The following COL4A3 variants were observed in gnomAD, a reference collection of about 807,000 sequenced individuals.
COL4A3 encodes collagen alpha-3(IV) chain.
In COL4A3, 135 loss-of-function variants were observed where a neutral mutation model predicts 217.4. The observed-to-expected ratio is 0.62, with a 90% CI of 0.54 to 0.72. The LOEUF (loss-of-function observed/expected upper bound fraction) is 0.72, where lower values mean the gene tolerates loss of function less well. COL4A3 is among the 30% of genes least tolerant of loss of function. COL4A3 has a pLI of 0.00. For synonymous variants in COL4A3, 690 were observed against 736.3 expected (o/e 0.94, Z 1.02); for missense variants, 1,868 against 2,119.9 (o/e 0.88, Z 2.33).
intron 34 of COL4A3, among the ~76,000 whole-genome samples, chr2:227,287,214 A>T (rs1254538672): frequency 1.3e-5 from 2 of 152,148 alleles, no homozygotes; most frequent in Non-Finnish European, 2.9e-5. Flanking sequence ...CGGGTGGATC[A>T]TGAGGTCAAG....
At position 227,294,692 on chromosome 2, in the gene COL4A3, C is replaced by T. The variant is rs1470672622; in HGVS notation, c.3418+122C>T. On this transcript the variant is annotated intron_variant, in intron 39 of 51. Coordinates refer to ENST00000396578, the MANE Select transcript of COL4A3 (RefSeq NM_000091.5). The stretch of plus-strand genomic sequence containing the variant: ...AGCTCCTAGTTACTCAGTATCCAGA[C>T]AAAAATGCAAAAAAAATGGGGTTAG... The T allele has an allele frequency of 3.9e-6, 3 of 777,520 alleles. No individual in the cohort carries two copies. In the South Asian group the frequency reaches 4.7e-5, roughly 12 times the overall value. The allele number at this position is 777,520 out of a possible 1,614,324, so 48.2% of individuals were successfully genotyped here. A position where few individuals can be genotyped will look rare whatever the true frequency, so the allele number is the denominator to read the frequency against.
At chr2:227,229,195 T>G (rs114477660) in intron 1 of COL4A3, among the ~76,000 whole-genome samples, 1 of 152,034 alleles carries the variant, frequency 6.6e-6, no homozygotes. Flanking sequence ...AAGAGAAGAG[T>G]GTGAGACCCA....
chr2:227,177,906 C>T (rs1026657028), intron 1 of COL4A3, among the ~76,000 whole-genome samples: 1 of 152,120 alleles, frequency 6.6e-6, no homozygotes, highest in Non-Finnish European at 1.5e-5. Flanking sequence ...TGGTTCCAAA[C>T]ACAAGACTTG....
chr2:227,184,741 A>T (rs1333829292), intron 1 of COL4A3, among the ~76,000 whole-genome samples: 1 of 152,212 alleles, frequency 6.6e-6, no homozygotes, highest in African/African-American at 2.4e-5. Context: ...GATTATGCTT[A>T]AAGTTCATAC....
At chr2:227,233,674 T>C (rs1389158696) in intron 1 of COL4A3, among the ~76,000 whole-genome samples, 1 of 151,994 alleles carries the variant, frequency 6.6e-6, no homozygotes, top group African/African-American at 2.4e-5. Context: ...TAAGGGACAA[T>C]ATCAAAAAGA....
At chr2:227,224,475 G>T (rs577522515) in intron 1 of COL4A3, among the ~76,000 whole-genome samples, 55 of 152,340 alleles carry the variant, frequency 3.6e-4, no homozygotes, top group Non-Finnish European at 6.9e-4. Flanking sequence ...ATGCTGCTGG[G>T]CATGATAGCT....
intron 1 of COL4A3, among the ~76,000 whole-genome samples, chr2:227,208,340 T>G (rs2067179409): frequency 6.6e-6 from 1 of 152,084 alleles, no homozygotes; most frequent in Admixed American, 6.6e-5. Flanking sequence ...AGTCCGAACC[T>G]CCCCAAATTG....
chr2:227,168,909 CTTTAAG>C (rs2065374867), intron 1 of COL4A3, among the ~76,000 whole-genome samples: 2 of 150,848 alleles, frequency 1.3e-5, no homozygotes, highest in African/African-American at 4.9e-5. Context: ...TATTATTATA[CTTTAAG>C]TTTTAGGGTA....
chr2:227,182,446 C>T (rs760675061), intron 1 of COL4A3, among the ~76,000 whole-genome samples: 5 of 152,222 alleles, frequency 3.3e-5, no homozygotes, highest in Admixed American at 6.5e-5. Flanking sequence ...CTAGACCACT[C>T]TACTCATCCC....
At chr2:227,269,295 A>C (rs1231655103) in intron 23 of COL4A3, among the ~76,000 whole-genome samples, 1 of 152,240 alleles carries the variant, frequency 6.6e-6, no homozygotes, top group Non-Finnish European at 1.5e-5. Flanking sequence ...GGAGAGCTAA[A>C]TACCCAGAGA....
chr2:227,164,701 G>T lies in COL4A3; in HGVS notation c.-26G>T, dbSNP rs747049729. The T allele has an allele frequency of 3.0e-4, 460 of 1,529,620 alleles. No homozygotes were observed. The highest frequency in any genetic ancestry group is 3.7e-4 in the Non-Finnish European group (422 of 1,144,914). 94.8% of individuals were successfully genotyped at this position (1,529,620 alleles called of 1,614,324 possible). On this transcript the variant is annotated 5_prime_UTR_variant, in exon 1 of 52. Coordinates refer to ENST00000396578, the MANE Select transcript of COL4A3 (RefSeq NM_000091.5). The surrounding 1 kb of genome is among the most constrained non-coding windows in gnomAD (Gnocchi z 4.8). ...TGAGAGCCTGAGGGTCCCCGGACTCGCCCAGGCTCTGAGCGCGCGCCCACC... is the reference window on the plus strand; with the variant it reads ...TGAGAGCCTGAGGGTCCCCGGACTCTCCCAGGCTCTGAGCGCGCGCCCACC...
intron 1 of COL4A3, among the ~76,000 whole-genome samples, chr2:227,196,202 G>A (rs963881911): frequency 2.0e-5 from 3 of 152,098 alleles, no homozygotes; most frequent in Admixed American, 2.0e-4. Flanking sequence ...AGGAGTGTAC[G>A]ATAGTGTCCT....
At chr2:227,189,040 G>C (rs960992368) in intron 1 of COL4A3, among the ~76,000 whole-genome samples, 8 of 152,162 alleles carry the variant, frequency 5.3e-5, no homozygotes, top group Non-Finnish European at 1.0e-4. Flanking sequence ...GATGGGAGGA[G>C]AGACTCTTCC....
In COL4A3 at chr2:227,300,747, G is replaced by A. The variant is rs114025735; in HGVS notation, c.3882+1935G>A. ...ACACTGTGTGGTAGGAAGAATGCAG[G>A]GGGCTGTGGGGACACAGAGGAAGGG... is the stretch of plus-strand genomic sequence containing the variant. On this transcript the variant is annotated intron_variant, in intron 43 of 51. Coordinates refer to ENST00000396578, the MANE Select transcript of COL4A3 (RefSeq NM_000091.5). Among the ~76,000 whole-genome samples the A allele has an allele frequency of 5.7e-3, 872 of 152,312 alleles. 10 individuals are homozygous for A. Among genetic ancestry groups the A allele is most frequent in the African/African-American group, 0.019 (807 of 41,562 alleles).
intron 1 of COL4A3, among the ~76,000 whole-genome samples, chr2:227,204,917 G>A (rs969472169): frequency 6.6e-6 from 1 of 152,158 alleles, no homozygotes; most frequent in Non-Finnish European, 1.5e-5. Flanking sequence ...ATATGCGTGG[G>A]CACATACATA....
chr2:227,293,932 G>C (rs7608999), intron 38 of COL4A3: 318,831 of 360,918 alleles, frequency 0.88, 141,246 homozygotes, highest in Non-Finnish European at 0.91. Context: ...TTAATTACCT[G>C]TTTACCAGCC....
At chr2:227,305,783 T>C (rs1234697068) in intron 47 of COL4A3, 1 of 152,194 alleles carries the variant, frequency 6.6e-6, no homozygotes, top group Non-Finnish European at 1.5e-5. Flanking sequence ...GTTTGATACC[T>C]GGATCAACAT....
At chr2:227,296,346 T>G in intron 41 of COL4A3, 1 of 205,454 alleles carries the variant, frequency 4.9e-6, no homozygotes, top group Non-Finnish European at 8.6e-6. Flanking sequence ...ACTCACAGTT[T>G]AACCATTTGG....
chr2:227,222,897 C>A (rs2067889713), intron 1 of COL4A3, among the ~76,000 whole-genome samples: 1 of 152,202 alleles, frequency 6.6e-6, no homozygotes, highest in Non-Finnish European at 1.5e-5. Context: ...CCTCCCACAC[C>A]ATGCCCAGGA....
Sources: allele counts gnomAD v4.1 joint callset (sites outside exome capture counted in the v4.1 genomes callset), GRCh38; gene constraint gnomAD v4.1.1; non-coding constraint Gnocchi (gnomAD v3.1); transcripts MANE v1.5; gene names NCBI Gene and HGNC (gene_info 2026-07-23, HGNC 2026-07-21).